Variants in KLF12 observed in about 807,000 individuals in gnomAD.
KLF12 encodes the protein KLF transcription factor 12.
Under a neutral mutation model 37.8 loss-of-function variants are expected in KLF12, and 9 were observed. That is an observed-to-expected ratio of 0.24 (90% CI 0.14 to 0.42). The LOEUF (loss-of-function observed/expected upper bound fraction) is 0.42, where lower values mean the gene tolerates loss of function less well. Ranked by LOEUF, KLF12 falls within the 10% of genes least tolerant of loss-of-function variation. The probability of loss-of-function intolerance (pLI) is 1.00; values close to 1 mark genes in which losing one functional copy is unlikely to be tolerated. For synonymous variants in KLF12, 208 were observed against 202.1 expected (o/e 1.03, Z -0.25); for missense variants, 411 against 516.0 (o/e 0.80, Z 1.97).
At chr13:74,173,252 A>G in the KLF12 span, among the ~76,000 whole-genome samples, 3 of 152,194 alleles carry the variant, frequency 2.0e-5, no homozygotes, top group Non-Finnish European at 1.5e-5. Context: ...CAGTGGAGAA[A>G]GGAACCTTTT....
chr13:74,136,949 G>T (rs1427745439), upstream of KLF12, among the ~76,000 whole-genome samples: 1 of 152,216 alleles, frequency 6.6e-6, no homozygotes, highest in Non-Finnish European at 1.5e-5. Context: ...TGTGGACTTG[G>T]GGTGCGTGTA....
At chr13:73,877,693 T>C (rs1886783093) in intron 3 of KLF12, among the ~76,000 whole-genome samples, 1 of 152,214 alleles carries the variant, frequency 6.6e-6, no homozygotes, top group South Asian at 2.1e-4. Context: ...GTAGCATTTC[T>C]ATGAAAAATA....
At chr13:74,273,092 T>C in the KLF12 span, among the ~76,000 whole-genome samples, 1 of 152,204 alleles carries the variant, frequency 6.6e-6, no homozygotes, top group African/African-American at 2.4e-5. Context: ...TTTCAAATAG[T>C]GCTTATTTTA....
chr13:74,114,463 T>C (rs980476940), intron 1 of KLF12, among the ~76,000 whole-genome samples: 6 of 152,192 alleles, frequency 3.9e-5, no homozygotes, highest in East Asian at 1.9e-4. Context: ...TGCTTTATTG[T>C]AGTGGTCTAG....
the KLF12 span, among the ~76,000 whole-genome samples, chr13:74,294,089 A>C: frequency 6.6e-6 from 1 of 152,220 alleles, no homozygotes; most frequent in Non-Finnish European, 1.5e-5. Flanking sequence ...GAATGCCGGG[A>C]GTAGGGCATG....
At chr13:73,996,747 A>G (rs1008286146) in intron 1 of KLF12, among the ~76,000 whole-genome samples, 11 of 152,196 alleles carry the variant, frequency 7.2e-5, no homozygotes, top group African/African-American at 2.7e-4. Flanking sequence ...TCCTCTGGAC[A>G]GACACAAAGA....
At chr13:73,927,870 T>A (rs1889473329) in intron 3 of KLF12, among the ~76,000 whole-genome samples, 1 of 149,956 alleles carries the variant, frequency 6.7e-6, no homozygotes, top group Admixed American at 6.6e-5. Flanking sequence ...TCTCTTTTTT[T>A]TTTTTTCAGA....
chr13:74,199,023 G>A, the KLF12 span, among the ~76,000 whole-genome samples: 2 of 152,188 alleles, frequency 1.3e-5, no homozygotes, highest in African/African-American at 4.8e-5. Flanking sequence ...GCCAGTGAGA[G>A]CCGAGGTGGG....
chr13:74,079,307 G>C (rs967461205), intron 1 of KLF12, among the ~76,000 whole-genome samples: 1 of 152,174 alleles, frequency 6.6e-6, no homozygotes, highest in Non-Finnish European at 1.5e-5. Context: ...GTATGGTGCT[G>C]ATGGTTGCAA....
chr13:73,722,747 C>A (rs953218053), intron 6 of KLF12, among the ~76,000 whole-genome samples: 1 of 152,182 alleles, frequency 6.6e-6, no homozygotes, highest in South Asian at 2.1e-4. Context: ...TCAAAAAGCT[C>A]AATCTTAACA....
chr13:74,093,556 A>G (rs1220809093), intron 1 of KLF12, among the ~76,000 whole-genome samples: 3 of 152,194 alleles, frequency 2.0e-5, no homozygotes, highest in Non-Finnish European at 2.9e-5. Context: ...ATAAATAACC[A>G]TAAGATGGTC....
rs140903570 is a variant in KLF12, at chr13:73,862,663, A to T, written c.124-16290T>A. On this transcript the variant is annotated intron_variant, in intron 3 of 7. Transcript: ENST00000377669. ...AAAAACTTTCACAGATTTCAACAAC[A>T]TATCTTAGCAGAATTATTTTTTCCT... Among the ~76,000 whole-genome samples the T allele has an allele frequency of 7.8e-3, 1,189 of 152,294 alleles. 8 individuals carry two copies. The highest frequency in any genetic ancestry group is 0.034 in the Middle Eastern group (10 of 294).
intron 3 of KLF12, among the ~76,000 whole-genome samples, chr13:73,941,959 G>A (rs548447054): frequency 6.6e-6 from 1 of 152,146 alleles, no homozygotes; most frequent in Admixed American, 6.5e-5. Context: ...CAGGCATTAG[G>A]CAATACCTAT....
intron 6 of KLF12, among the ~76,000 whole-genome samples, chr13:73,747,511 A>G (rs1045585798): frequency 6.6e-6 from 1 of 152,230 alleles, no homozygotes; most frequent in Non-Finnish European, 1.5e-5. Context: ...ATTATCTATT[A>G]AAGGGTCAAA....
At chr13:73,756,548 G>A (rs1452323742) in intron 6 of KLF12, among the ~76,000 whole-genome samples, 5 of 152,132 alleles carry the variant, frequency 3.3e-5, no homozygotes. Flanking sequence ...AAAACGTAAG[G>A]CATTACGACC....
At chr13:74,097,609 G>T (rs1247682326) in intron 1 of KLF12, among the ~76,000 whole-genome samples, 1 of 151,948 alleles carries the variant, frequency 6.6e-6, no homozygotes, top group East Asian at 1.9e-4. Context: ...AGACACTGGA[G>T]ACCATCATCT....
chr13:73,787,981 G>A (rs1566368326), intron 5 of KLF12, among the ~76,000 whole-genome samples: 1 of 152,002 alleles, frequency 6.6e-6, no homozygotes, highest in African/African-American at 2.4e-5. Context: ...GTAATAGACT[G>A]TATTTAATAA....
the KLF12 span, among the ~76,000 whole-genome samples, chr13:74,156,179 C>T: frequency 6.6e-6 from 1 of 152,194 alleles, no homozygotes; most frequent in African/African-American, 2.4e-5. Flanking sequence ...GAAAATCTCC[C>T]CTGAATATAG....
intron 1 of KLF12, among the ~76,000 whole-genome samples, chr13:74,076,306 A>C (rs566013849): frequency 2.5e-4 from 38 of 152,358 alleles, no homozygotes; most frequent in Admixed American, 8.5e-4. Flanking sequence ...ATAAAAACAA[A>C]ATAACCTAGG....
Sources: gnomAD v4.1 joint callset for allele counts (sites outside exome capture counted in the v4.1 genomes callset) on GRCh38, gnomAD v4.1.1 for gene constraint, MANE v1.5 for transcripts, NCBI Gene and HGNC (gene_info 2026-07-23, HGNC 2026-07-21) for gene names.